The following CDC42BPB variants were observed in gnomAD, a reference collection of about 807,000 sequenced individuals.
CDC42BPB encodes the protein serine/threonine-protein kinase MRCK beta.
Under a neutral mutation model 214.9 loss-of-function variants are expected in CDC42BPB, and 37 were observed. The observed-to-expected ratio is 0.17, with a 90% CI of 0.13 to 0.23. CDC42BPB has a LOEUF of 0.23. Ranked by LOEUF, CDC42BPB falls within the 10% of genes least tolerant of loss-of-function variation. The pLI, the probability that CDC42BPB is intolerant of heterozygous loss-of-function variation, is 1.00. For missense variants in CDC42BPB, 1,694 were observed against 2,227.0 expected, an observed-to-expected ratio of 0.76 and a Z score of 4.82; for synonymous variants, 931 against 884.0, an observed-to-expected ratio of 1.05 and a Z score of -0.94.
At chr14:103,020,641 A>G (rs1421971945) in intron 1 of CDC42BPB, among the ~76,000 whole-genome samples, 2 of 152,048 alleles carry the variant, frequency 1.3e-5, no homozygotes, top group Non-Finnish European at 2.9e-5. Context: ...GTGCAGCCAC[A>G]GTGGACGGGG....
rs189843628 is a variant in CDC42BPB, at chr14:103,054,699, T to C, written c.175+2300A>G. 1.4e-3 allele frequency among the ~76,000 whole-genome samples: 213 copies of C among 152,356 alleles called. 2 individuals carry two copies. The highest frequency in any genetic ancestry group is 4.8e-3 in the African/African-American group (201 of 41,594). Reference sequence around the variant, plus strand: ...ATTAAAACACCACCTTCTAAGTCCATTCTTCCCTATAATTGAAAGTTTATA... The same window carrying C: ...ATTAAAACACCACCTTCTAAGTCCACTCTTCCCTATAATTGAAAGTTTATA... On this transcript the variant is annotated intron_variant, in intron 1 of 36. Transcript: ENST00000361246.
At position 103,057,379 on chromosome 14, in the gene CDC42BPB, C is replaced by G. The variant is rs1889047943; in HGVS notation, c.-206G>C. 1.0e-6 allele frequency: 1 copy of G among 953,094 alleles called. No individual in the cohort carries two copies. Among genetic ancestry groups the G allele is most frequent in the African/African-American group, 1.8e-5 (1 of 55,974 alleles). The allele number at this position is 953,094 out of a possible 1,614,324, so 59.0% of individuals were successfully genotyped here. On this transcript the variant is annotated 5_prime_UTR_variant, in exon 1 of 37. Coordinates refer to ENST00000361246, the MANE Select transcript of CDC42BPB (RefSeq NM_006035.4). ...GCAGAGTCTGGGGCGCCGGGCCCCG[C>G]GGGTCCATGGGCCGCTCTCCTCCCC...
chr14:103,052,556 C>T lies in CDC42BPB; in HGVS notation c.175+4443G>A, dbSNP rs149230389. Among the ~76,000 whole-genome samples the T allele has an allele frequency of 3.8e-3, 586 of 152,336 alleles. 3 individuals carry two copies. The highest frequency in any genetic ancestry group is 0.012 in the African/African-American group (493 of 41,576). Reference sequence around the variant, plus strand: ...CCATTCCCACACTAACAGCTATGGGCATTCACATCCATGGAGGAGGACCGT... The same window carrying T: ...CCATTCCCACACTAACAGCTATGGGTATTCACATCCATGGAGGAGGACCGT... On this transcript the variant is annotated intron_variant, in intron 1 of 36. Transcript: ENST00000361246.
chr14:103,037,338 G>GA (rs1887719277), intron 1 of CDC42BPB, among the ~76,000 whole-genome samples: 1 of 151,822 alleles, frequency 6.6e-6, no homozygotes, highest in South Asian at 2.1e-4. Context: ...TGTCACCCAG[G>GA]CTGGAGTACA....
At chr14:102,952,328 C>A (rs1048926781) in intron 24 of CDC42BPB, among the ~76,000 whole-genome samples, 170 bp downstream of exon 24, 7 of 152,216 alleles carry the variant, frequency 4.6e-5, no homozygotes, top group Non-Finnish European at 8.8e-5. Context: ...CAGAGTGAGA[C>A]CCTATCTCCC....
chr14:102,970,571 T>C (rs974231709), intron 13 of CDC42BPB: 5 of 167,952 alleles, frequency 3.0e-5, no homozygotes, highest in Non-Finnish European at 6.1e-5. Flanking sequence ...TCTGTAGAAC[T>C]TGAATTCATT....
At chr14:102,991,249 C>T (rs191733656) in intron 5 of CDC42BPB, among the ~76,000 whole-genome samples, 1 of 152,308 alleles carries the variant, frequency 6.6e-6, no homozygotes, top group East Asian at 1.9e-4. Flanking sequence ...TAGCTATACA[C>T]ACACATTCCA....
rs1399013084 is a variant in CDC42BPB, at chr14:102,968,460, A to G, written c.2240+12T>C. The G allele has an allele frequency of 7.4e-6, 12 of 1,613,874 alleles. No homozygotes were observed. The African/African-American group carries it at 1.6e-4, about 22-fold the overall frequency. ...TTGCATCTTCTGAACTGAGAAGCTC[A>G]TGAAAACCTACCGTTCTCGCTTTGA... On this transcript the variant is annotated intron_variant, in intron 15 of 36. Transcript: ENST00000361246.
chr14:103,024,425 C>T (rs1886938033), intron 1 of CDC42BPB, among the ~76,000 whole-genome samples: 1 of 152,122 alleles, frequency 6.6e-6, no homozygotes, highest in Non-Finnish European at 1.5e-5. Context: ...ATGCTTCCTA[C>T]CCCGCATTAA....
intron 5 of CDC42BPB, among the ~76,000 whole-genome samples, chr14:102,991,850 CATAT>C (rs1279327804): frequency 6.6e-6 from 1 of 152,002 alleles, no homozygotes; most frequent in Non-Finnish European, 1.5e-5. Context: ...AATATGATTC[CATAT>C]ATATAGTATT....
chr14:102,957,950 A>G (rs374249660), intron 21 of CDC42BPB, among the ~76,000 whole-genome samples: 11 of 152,380 alleles, frequency 7.2e-5, no homozygotes, highest in African/African-American at 2.6e-4. Context: ...GGTTCAACCC[A>G]CAACTGATGA....
intron 36 of CDC42BPB, 136 bp from the exon 37 acceptor site, chr14:102,933,979 A>G: frequency 2.2e-6 from 3 of 1,381,526 alleles, no homozygotes; most frequent in Non-Finnish European, 2.8e-6. Flanking sequence ...GAAAACACAC[A>G]CGCTCTACAC....
chr14:103,046,473 C>T (rs1221381112), intron 1 of CDC42BPB, among the ~76,000 whole-genome samples: 1 of 151,966 alleles, frequency 6.6e-6, no homozygotes, highest in Non-Finnish European at 1.5e-5. Flanking sequence ...AAGAGAATGA[C>T]CAAAGTAGAA....
Position 102,968,699 on chromosome 14 carries a change from C to T in CDC42BPB, c.2013G>A (p.Arg671=). 1 of 1,614,042 alleles carries T rather than the reference C, an allele frequency of 6.2e-7. No homozygotes were observed. The highest frequency in any genetic ancestry group is 8.5e-7 in the Non-Finnish European group (1 of 1,180,034). The part of the protein sequence containing the change: ...LEALKVKQGG[R]GAGATLEHQQ... Reference sequence around the variant, plus strand: ...GGTGCTCTAAGGTGGCACCCGCTCCCCGGCCTCCTTGCTTCACCTGAAGAC... The same window carrying T: ...GGTGCTCTAAGGTGGCACCCGCTCCTCGGCCTCCTTGCTTCACCTGAAGAC... The change falls in exon 15 of 37, where the codon CGG becomes CGA. Residue 671 remains arginine (R), a synonymous_variant. Transcript: ENST00000361246.
At chr14:103,033,189 T>C (rs1410774573) in intron 1 of CDC42BPB, among the ~76,000 whole-genome samples, 1 of 152,076 alleles carries the variant, frequency 6.6e-6, no homozygotes, top group African/African-American at 2.4e-5. Context: ...TGGTTCATTA[T>C]TCTATATGCT....
chr14:103,020,180 A>G (rs1790672037), intron 1 of CDC42BPB, among the ~76,000 whole-genome samples: 1 of 152,256 alleles, frequency 6.6e-6, no homozygotes, highest in Admixed American at 6.5e-5. Context: ...TGTGGCCACA[A>G]TCAATACATT....
chr14:103,013,453 G>A (rs546290819), intron 1 of CDC42BPB, among the ~76,000 whole-genome samples: 1 of 152,334 alleles, frequency 6.6e-6, no homozygotes, highest in East Asian at 1.9e-4. Context: ...GTTTCTGTGG[G>A]CACTGTACTG....
chr14:103,056,965 A>G, intron 1 of CDC42BPB, 34 bp downstream of exon 1: 2 of 1,319,396 alleles, frequency 1.5e-6, no homozygotes, highest in South Asian at 1.7e-5. Context: ...GGGGTCGCAG[A>G]GCCGCAGGTC....
In CDC42BPB at chr14:103,001,996, G is replaced by A. The variant is rs571102205; in HGVS notation, c.447+1932C>T. On this transcript the variant is annotated intron_variant, in intron 4 of 36. Coordinates refer to ENST00000361246, the MANE Select transcript of CDC42BPB (RefSeq NM_006035.4). The surrounding 1 kb of genome is among the most constrained non-coding windows in gnomAD (Gnocchi z 5.8). ...GACCTAGTCTGTCCTGTCACAGAAC[G>A]CGGGGTGCTGAGTTAAGCCAGTAAG... Among the ~76,000 whole-genome samples the A allele has an allele frequency of 1.3e-5, 2 of 152,326 alleles. No homozygotes were observed. Among genetic ancestry groups the A allele is most frequent in the Non-Finnish European group, 2.9e-5 (2 of 68,032 alleles).
Sources: gnomAD v4.1 joint callset for allele counts (sites outside exome capture counted in the v4.1 genomes callset) on GRCh38, gnomAD v4.1.1 for gene constraint, Gnocchi (gnomAD v3.1) non-coding constraint, MANE v1.5 for transcripts, NCBI Gene and HGNC (gene_info 2026-07-23, HGNC 2026-07-21) for gene names.